Variants in UVRAG observed in about 807,000 individuals in gnomAD.
UVRAG encodes the protein UV radiation resistance associated.
UVRAG carries 19 observed loss-of-function variants against 78.0 expected under a neutral mutation model. The ratio of observed to expected loss-of-function variants is 0.24; its 90% CI spans 0.17 to 0.36. The LOEUF is 0.36. Ranked by LOEUF, UVRAG falls within the 10% of genes least tolerant of loss-of-function variation. The probability of loss-of-function intolerance (pLI) is 1.00; values close to 1 mark genes in which losing one functional copy is unlikely to be tolerated. For synonymous variants in UVRAG, 323 were observed against 324.6 expected (o/e 1.00, Z 0.05); for missense variants, 740 against 853.8 (o/e 0.87, Z 1.66).
chr11:75,931,153 T>C (rs1183360230), intron 6 of UVRAG, among the ~76,000 whole-genome samples: 1 of 152,094 alleles, frequency 6.6e-6, no homozygotes, highest in Admixed American at 6.6e-5. Context: ...TTTAATGCTG[T>C]TTTGCAAATA....
At chr11:76,041,591 A>C (rs1950649251) in intron 12 of UVRAG, among the ~76,000 whole-genome samples, 1 of 152,214 alleles carries the variant, frequency 6.6e-6, no homozygotes, top group South Asian at 2.1e-4. Flanking sequence ...ATGCCAGTGT[A>C]GTGGCTGCTG....
At chr11:75,991,149 T>C (rs950645335) in intron 8 of UVRAG, among the ~76,000 whole-genome samples, 1 of 152,212 alleles carries the variant, frequency 6.6e-6, no homozygotes, top group Non-Finnish European at 1.5e-5. Flanking sequence ...TGAAGCATTA[T>C]GATAAAGTCC....
chr11:75,943,934 C>T (rs1345493045), intron 6 of UVRAG, among the ~76,000 whole-genome samples: 1 of 152,010 alleles, frequency 6.6e-6, no homozygotes, highest in Non-Finnish European at 1.5e-5. Flanking sequence ...TTAATAAATC[C>T]ATCAACGAGT....
intron 14 of UVRAG, among the ~76,000 whole-genome samples, chr11:76,138,467 A>G (rs1952638938): frequency 6.6e-6 from 1 of 152,124 alleles, no homozygotes; most frequent in South Asian, 2.1e-4. Context: ...GTCGCGCCTC[A>G]TTAGTTTTCT....
intron 13 of UVRAG, among the ~76,000 whole-genome samples, chr11:76,111,865 A>G (rs1952073005): frequency 6.6e-6 from 1 of 151,798 alleles, no homozygotes; most frequent in African/African-American, 2.4e-5. Context: ...AGATAAACTA[A>G]CGGCCAAAGA....
At chr11:75,830,889 C>T (rs1025748061) in intron 1 of UVRAG, among the ~76,000 whole-genome samples, 1 of 152,176 alleles carries the variant, frequency 6.6e-6, no homozygotes, top group African/African-American at 2.4e-5. Flanking sequence ...AATATGGACA[C>T]TAGAGCCTGA....
chr11:75,873,858 C>T (rs1476172646), intron 3 of UVRAG, among the ~76,000 whole-genome samples: 2 of 152,202 alleles, frequency 1.3e-5, no homozygotes, highest in East Asian at 1.9e-4. Context: ...GGAGCAGGCA[C>T]ATCCTCAGGC....
intron 7 of UVRAG, among the ~76,000 whole-genome samples, chr11:75,965,916 C>CA (rs199962513): frequency 0.022 from 3,385 of 151,216 alleles, 55 homozygotes; most frequent in Non-Finnish European, 0.033. Flanking sequence ...CAATGTTGGA[C>CA]AAAAAAAATA....
At chr11:76,008,953 T>C in intron 11 of UVRAG, 86 bp downstream of exon 11, 1 of 786,792 alleles carries the variant, frequency 1.3e-6, no homozygotes, top group Non-Finnish European at 2.0e-6. Context: ...TAGCACTTTA[T>C]CCAAAGGAAT....
Position 76,141,466 on chromosome 11 carries a change from GA to G in UVRAG, c.*56del. Reference sequence around the variant, plus strand: ...GCAGAAGCTCTGCCTAAAATGAAGTGAAAGCTGCACTTAACCCTTTGTGATA... The same window carrying G: ...GCAGAAGCTCTGCCTAAAATGAAGTGAAGCTGCACTTAACCCTTTGTGATA... On this transcript the variant is annotated 3_prime_UTR_variant, in exon 15 of 15. Coordinates refer to ENST00000356136, the MANE Select transcript of UVRAG (RefSeq NM_003369.4). The G allele has an allele frequency of 6.6e-7, 1 of 1,523,078 alleles. No homozygotes were observed. Among genetic ancestry groups the G allele is most frequent in the Non-Finnish European group, 8.9e-7 (1 of 1,117,980 alleles). The allele number at this position is 1,523,078 out of a possible 1,614,324, so 94.3% of individuals were successfully genotyped here. A position where few individuals can be genotyped will look rare whatever the true frequency, so the allele number is the denominator to read the frequency against.
intron 5 of UVRAG, among the ~76,000 whole-genome samples, chr11:75,900,558 C>T (rs1263160034): frequency 6.6e-6 from 1 of 152,168 alleles, no homozygotes; most frequent in African/African-American, 2.4e-5. Flanking sequence ...ACTTTGCTTA[C>T]TGAATATTTT....
chr11:75,884,030 TA>T (rs1752768582), intron 4 of UVRAG, among the ~76,000 whole-genome samples: 1 of 152,208 alleles, frequency 6.6e-6, no homozygotes, highest in South Asian at 2.1e-4. Context: ...CCAAAGTGAC[TA>T]TAACATCCTG....
chr11:76,052,497 T>C (rs893053785), intron 12 of UVRAG, among the ~76,000 whole-genome samples: 1 of 152,192 alleles, frequency 6.6e-6, no homozygotes, highest in African/African-American at 2.4e-5. Context: ...TAGCCACTGC[T>C]GAACTCATAC....
At chr11:75,854,870 A>G (rs1232583506) in intron 2 of UVRAG, among the ~76,000 whole-genome samples, 7 of 152,206 alleles carry the variant, frequency 4.6e-5, no homozygotes, top group Non-Finnish European at 8.8e-5. Context: ...CTAATTGGTT[A>G]TATCACTAGC....
chr11:76,033,845 G>T (rs1002787018), intron 12 of UVRAG, among the ~76,000 whole-genome samples: 1 of 152,068 alleles, frequency 6.6e-6, no homozygotes, highest in African/African-American at 2.4e-5. Flanking sequence ...TTTAGTACCA[G>T]ATTTAGTGAG....
At chr11:76,136,111 T>C (rs1249304721) in intron 14 of UVRAG, among the ~76,000 whole-genome samples, 1 of 152,204 alleles carries the variant, frequency 6.6e-6, no homozygotes, top group African/African-American at 2.4e-5. Context: ...GAATATTCTG[T>C]TTTGAACTAT....
chr11:76,089,276 T>C (rs1470672270), intron 13 of UVRAG, among the ~76,000 whole-genome samples: 1 of 152,188 alleles, frequency 6.6e-6, no homozygotes, highest in Non-Finnish European at 1.5e-5. Context: ...TGGTAATAAG[T>C]TGTTATATGT....
intron 6 of UVRAG, among the ~76,000 whole-genome samples, chr11:75,922,962 C>CATATATAT (rs747245753): frequency 6.9e-6 from 1 of 144,964 alleles, no homozygotes. Context: ...GAAAAACGAA[C>CATATATAT]ATATATATAT....
intron 7 of UVRAG, among the ~76,000 whole-genome samples, chr11:75,963,969 A>G (rs1948963026): frequency 6.6e-6 from 1 of 152,094 alleles, no homozygotes; most frequent in Non-Finnish European, 1.5e-5. Flanking sequence ...TTTGTGTTTC[A>G]GATTTTGTCA....
Sources: gnomAD v4.1 joint callset for allele counts (sites outside exome capture counted in the v4.1 genomes callset) on GRCh38, gnomAD v4.1.1 for gene constraint, MANE v1.5 for transcripts, NCBI Gene and HGNC (gene_info 2026-07-23, HGNC 2026-07-21) for gene names.